Variants in ZFAND6 observed in about 807,000 individuals in gnomAD.
The protein encoded by ZFAND6 is AN1-type zinc finger protein 6.
ZFAND6 carries 12 observed loss-of-function variants against 24.5 expected under a neutral mutation model. That is an observed-to-expected ratio of 0.49 (90% CI 0.31 to 0.79). The LOEUF is 0.79. Among genes scored for constraint, ZFAND6 ranks in the 30% least tolerant of loss-of-function variants. The pLI is 0.04. For missense variants in ZFAND6, 207 were observed against 245.9 expected (o/e 0.84, Z 1.06); for synonymous variants, 92 against 81.5 (o/e 1.13, Z -0.69).
chr15:80,074,183 T>G (rs1596195551), intron 1 of ZFAND6, among the ~76,000 whole-genome samples: 2 of 152,060 alleles, frequency 1.3e-5, no homozygotes, highest in Non-Finnish European at 1.5e-5. Flanking sequence ...AACACCACTT[T>G]CCAAGATGTA....
chr15:80,104,077 A>G (rs1596271020), intron 2 of ZFAND6, among the ~76,000 whole-genome samples: 1 of 152,264 alleles, frequency 6.6e-6, no homozygotes, highest in African/African-American at 2.4e-5. Context: ...CTTGAACTCA[A>G]GCAATCCTCT....
intron 3 of ZFAND6, among the ~76,000 whole-genome samples, chr15:80,121,131 A>T (rs1187854271): frequency 6.6e-6 from 1 of 152,130 alleles, no homozygotes; most frequent in African/African-American, 2.4e-5. Context: ...ATGTAGGTTA[A>T]TGCCTGCATG....
chr15:80,094,581 AT>A (rs1240939675), intron 1 of ZFAND6, among the ~76,000 whole-genome samples: 2 of 151,110 alleles, frequency 1.3e-5, no homozygotes, highest in Admixed American at 1.3e-4. Context: ...TTACTTATTC[AT>A]TCTCTGTCAT....
chr15:80,068,995 C>T (rs1329701302), intron 1 of ZFAND6, among the ~76,000 whole-genome samples: 1 of 152,176 alleles, frequency 6.6e-6, no homozygotes, highest in Non-Finnish European at 1.5e-5. Flanking sequence ...GAGAATGTTA[C>T]CTATTCAGCT....
chr15:80,062,799 T>C (rs1043719918), intron 1 of ZFAND6, among the ~76,000 whole-genome samples: 8 of 152,232 alleles, frequency 5.3e-5, no homozygotes, highest in African/African-American at 9.6e-5. Flanking sequence ...AACACCATGA[T>C]AGATAACTAT....
chr15:80,074,346 A>T (rs370379701), intron 1 of ZFAND6, among the ~76,000 whole-genome samples: 3 of 151,978 alleles, frequency 2.0e-5, no homozygotes, highest in South Asian at 4.1e-4. Context: ...TTAATGTTTT[A>T]CACTGGCTTT....
rs1555430488 is a variant in ZFAND6, at chr15:80,091,647, C to CCCT, written c.-180-6769_-180-6768insCCT. Reference sequence around the variant, plus strand: ...AATATATTTACTATTAAAAAAAAAACTTTTTTTAAGAGACAGGATCTTGCT... The same window carrying CCCT: ...AATATATTTACTATTAAAAAAAAAACCCTTTTTTTTAAGAGACAGGATCTTGCT... On this transcript the variant is annotated intron_variant, in intron 1 of 6. Transcript: ENST00000261749. Among the ~76,000 whole-genome samples the CCCT allele has an allele frequency of 4.6e-3, 689 of 151,410 alleles. 7 individuals carry two copies. The highest frequency in any genetic ancestry group is 0.016 in the African/African-American group (670 of 41,228).
intron 1 of ZFAND6, among the ~76,000 whole-genome samples, chr15:80,081,481 G>A (rs967185680): frequency 1.3e-5 from 2 of 152,232 alleles, no homozygotes; most frequent in Non-Finnish European, 2.9e-5. Flanking sequence ...CAGGAGGACT[G>A]CAGAGTACCG....
rs2040205108 is a variant in ZFAND6 at position 80,122,819 on chromosome 15, AT to A, written c.364+20del. On this transcript the variant is annotated intron_variant, in intron 5 of 6. Transcript: ENST00000261749. ...GTGCAGGGTTTGTATATGAACTAGC[AT>A]GTATTTTGTTATTTGAGTATTATAG... 2.5e-6 allele frequency: 4 copies of A among 1,591,638 alleles called. No homozygotes were observed. In the East Asian group the frequency reaches 9.0e-5, roughly 36 times the overall value.
intron 2 of ZFAND6, among the ~76,000 whole-genome samples, chr15:80,115,767 G>A (rs145474396): frequency 1.3e-5 from 2 of 151,700 alleles, no homozygotes; most frequent in Admixed American, 6.6e-5. Flanking sequence ...ATTTGATGCC[G>A]TGCAGGCAGT....
intron 1 of ZFAND6, among the ~76,000 whole-genome samples, chr15:80,078,064 A>C (rs2037400155): frequency 6.6e-6 from 1 of 151,950 alleles, no homozygotes; most frequent in African/African-American, 2.4e-5. Context: ...TTATTTTTTC[A>C]ACTTTTATTT....
At position 80,121,753 on chromosome 15, in the gene ZFAND6, T is replaced by C; in HGVS notation, c.196T>C (p.Cys66Arg). The C allele has an allele frequency of 6.2e-7, 1 of 1,613,944 alleles. No individual in the cohort carries two copies. The highest frequency in any genetic ancestry group is 8.5e-7 in the Non-Finnish European group (1 of 1,179,894). Residue 66 changes from cysteine (C) to arginine (R), a missense_variant, in exon 4 of 7, where the codon TGC becomes CGC. Around this residue, in one of 3 missense-constraint regions of ZFAND6, gnomAD observed 133 missense variants for 122.8 expected, o/e 1.08. Transcript: ENST00000261749. ...SSLSESLPVQ[C>R]TDGSVPEAQS... is the part of the protein sequence containing the mutation. ...TCTGTCTGAATCTTTACCAGTTCAA[T>C]GCACAGATGGCAGTGTGCCAGAAGC...
intron 1 of ZFAND6, among the ~76,000 whole-genome samples, chr15:80,089,402 G>A (rs775237735): frequency 6.6e-6 from 1 of 151,260 alleles, no homozygotes; most frequent in Non-Finnish European, 1.5e-5. Context: ...GGGATTACAG[G>A]CTGTGCCACC....
intron 1 of ZFAND6, among the ~76,000 whole-genome samples, chr15:80,090,806 T>C (rs768254787): frequency 1.1e-4 from 17 of 152,236 alleles, no homozygotes; most frequent in Admixed American, 3.9e-4. Context: ...GAGATACCAT[T>C]CTAGGAGCCA....
intron 1 of ZFAND6, among the ~76,000 whole-genome samples, chr15:80,082,617 CAA>C (rs1308762041): frequency 7.2e-5 from 11 of 152,142 alleles, no homozygotes; most frequent in African/African-American, 2.7e-4. Flanking sequence ...TTTGGTATCT[CAA>C]TATCACTGTC....
rs60552702 is a variant in ZFAND6, at chr15:80,101,356, G to A, written c.-18+2778G>A. Among the ~76,000 whole-genome samples the A allele has an allele frequency of 0.02, 3,098 of 152,192 alleles. 227 individuals are homozygous for A. The East Asian group carries it at 0.22, about 11-fold the overall frequency. On this transcript the variant is annotated intron_variant, in intron 2 of 6. Transcript: ENST00000261749. The stretch of plus-strand genomic sequence containing the variant: ...CTGGCACTTGTCATCAAAGCTACTC[G>A]GGAGGCTGAGGCAGGAGAATCGCTT...
chr15:80,092,536 G>A (rs2038446420), intron 1 of ZFAND6, among the ~76,000 whole-genome samples: 1 of 152,060 alleles, frequency 6.6e-6, no homozygotes, highest in Non-Finnish European at 1.5e-5. Context: ...TTTATTAGAG[G>A]GGTAGTAACG....
chr15:80,061,299 T>TA (rs769982421), intron 1 of ZFAND6, among the ~76,000 whole-genome samples: 15 of 152,230 alleles, frequency 9.9e-5, no homozygotes, highest in Non-Finnish European at 2.1e-4. Flanking sequence ...TGTCAGAACT[T>TA]ACACGTTTTA....
In ZFAND6 at chr15:80,120,587, A is replaced by G. The variant is rs1040009293; in HGVS notation, c.154+89A>G. The G allele has an allele frequency of 7.2e-6, 8 of 1,116,914 alleles. No individual in the cohort carries two copies. The African/African-American group carries it at 1.1e-4, about 16-fold the overall frequency. The allele number at this position is 1,116,914 out of a possible 1,614,324, so 69.2% of individuals were successfully genotyped here. A position where few individuals can be genotyped will look rare whatever the true frequency, so the allele number is the denominator to read the frequency against. ...ACCCAATACCTTTTTCTGCTCTCAC[A>G]TTATATTTATATTACCATATTCATA... is the stretch of plus-strand genomic sequence containing the variant. On this transcript the variant is annotated intron_variant, in intron 3 of 6. Transcript: ENST00000261749.
Sources: gnomAD v4.1 joint callset for allele counts (sites outside exome capture counted in the v4.1 genomes callset) on GRCh38, gnomAD v4.1.1 for gene constraint, gnomAD v4.1.1 regional missense constraint, MANE v1.5 for transcripts, NCBI Gene and HGNC (gene_info 2026-07-23, HGNC 2026-07-21) for gene names.